Variants in HEPHL1 observed in about 807,000 individuals in gnomAD.
HEPHL1 encodes the protein hephaestin like 1, also known as ferroxidase HEPHL1.
HEPHL1 carries 123 observed loss-of-function variants against 122.0 expected under a neutral mutation model. The observed-to-expected ratio is 1.01, with a 90% CI of 0.87 to 1.17. The LOEUF (loss-of-function observed/expected upper bound fraction) is 1.17, where lower values mean the gene tolerates loss of function less well. HEPHL1 is among the 50% of genes most tolerant of loss of function. The pLI is 0.00. For missense variants in HEPHL1, 1,452 were observed against 1,430.5 expected (o/e 1.01, Z -0.24); for synonymous variants, 527 against 508.9 (o/e 1.04, Z -0.48).
intron 1 of HEPHL1, among the ~76,000 whole-genome samples, chr11:94,028,950 C>CTTTCTT (rs1293042180): frequency 6.6e-6 from 1 of 152,020 alleles, no homozygotes; most frequent in Non-Finnish European, 1.5e-5. Flanking sequence ...ACTACTTTCT[C>CTTTCTT]TTATTTCTAT....
chr11:94,082,513 T>C lies in HEPHL1; in HGVS notation c.1812T>C (p.His604=). 6.2e-7 allele frequency: 1 copy of C among 1,613,490 alleles called. No homozygotes were observed. Among genetic ancestry groups the C allele is most frequent in the Non-Finnish European group, 8.5e-7 (1 of 1,179,552 alleles). ...FDENIQKFIW[H]PFSIDKEDKE... is the part of the protein sequence containing the mutation. ...AAAACATTCAGAAGTTTATCTGGCATCCCTTCAGCATTGACAAAGAAGATA... is the reference window on the plus strand; with the variant it reads ...AAAACATTCAGAAGTTTATCTGGCACCCCTTCAGCATTGACAAAGAAGATA... The change falls in exon 10 of 20, where the codon CAT becomes CAC. Residue 604 remains histidine (H), a synonymous_variant. Transcript: ENST00000315765.
chr11:94,088,867 G>A lies in HEPHL1; in HGVS notation c.2193G>A (p.Met731Ile). ...NRDPSEQRYG[M>I]IRTFYIAAEE... ...ACCCTTCTGAGCAGCGGTACGGGAT[G>A]ATAAGAACTTTTTACATCGCCGCTG... Residue 731 changes from methionine (M) to isoleucine (I), a missense_variant, in exon 12 of 20, where the codon ATG becomes ATA. Transcript: ENST00000315765. The A allele has an allele frequency of 6.2e-7, 1 of 1,613,992 alleles. No individual in the cohort carries two copies. The highest frequency in any genetic ancestry group is 8.5e-7 in the Non-Finnish European group (1 of 1,179,882).
intron 5 of HEPHL1, among the ~76,000 whole-genome samples, chr11:94,068,343 A>C (rs1365895987): frequency 6.6e-6 from 1 of 152,192 alleles, no homozygotes; most frequent in Non-Finnish European, 1.5e-5. Context: ...TCTTGTGAGT[A>C]GTTATAGCAG....
Position 94,064,502 on chromosome 11 carries a change from A to G in HEPHL1, c.800A>G (p.Lys267Arg). 6.2e-7 allele frequency: 1 copy of G among 1,611,352 alleles called. No homozygotes were observed. The highest frequency in any genetic ancestry group is 1.1e-5 in the South Asian group (1 of 90,844). ...GATGCTGTTTTCCAGAGGAGTAACA[A>G]AATGCATGGTGAGTACCTCCCATGT... ...KKDAVFQRSN[K>R]MHALNGYLFG... Residue 267 changes from lysine (K) to arginine (R), a missense_variant, in exon 4 of 20, where the codon AAA (lysine) becomes AGA (arginine). Lys to Arg is a conservative substitution (Grantham distance 26). Coordinates refer to ENST00000315765, the MANE Select transcript of HEPHL1 (RefSeq NM_001098672.2).
At chr11:94,091,809 C>T (rs148566996) in intron 12 of HEPHL1, among the ~76,000 whole-genome samples, 4 of 152,132 alleles carry the variant, frequency 2.6e-5, no homozygotes, top group African/African-American at 4.8e-5. Context: ...GAAGCATGTT[C>T]GTGGCAGAGG....
At position 94,112,736 on chromosome 11, in the gene HEPHL1, TC is replaced by T. The variant is rs1278973005; in HGVS notation, c.*845del. The T allele has an allele frequency of 2.0e-5, 3 of 152,242 alleles. No individual in the cohort carries two copies. The highest frequency in any genetic ancestry group is 2.9e-5 in the Non-Finnish European group (2 of 68,030). 9.4% of individuals were successfully genotyped at this position (152,242 alleles called of 1,614,324 possible). Reference sequence around the variant, plus strand: ...GGCTCTCCCTTTATGAATCAGGGACTCCCTGAGAGTTTAGAGCAAGCTTTCT... The same window carrying T: ...GGCTCTCCCTTTATGAATCAGGGACTCCTGAGAGTTTAGAGCAAGCTTTCT... On this transcript the variant is annotated 3_prime_UTR_variant, in exon 20 of 20. Coordinates refer to ENST00000315765, the MANE Select transcript of HEPHL1 (RefSeq NM_001098672.2).
rs370587999 is a variant in HEPHL1 at position 94,063,640 on chromosome 11, C to T, written c.548C>T (p.Thr183Ile). 8.1e-6 allele frequency: 13 copies of T among 1,613,888 alleles called. No homozygotes were observed. The highest frequency in any genetic ancestry group is 1.1e-5 in the Non-Finnish European group (13 of 1,179,844). Residue 183 changes from threonine (T) to isoleucine (I), a missense_variant, in exon 3 of 20, where the codon ACC becomes ATC. Coordinates refer to ENST00000315765, the MANE Select transcript of HEPHL1 (RefSeq NM_001098672.2). ...ACTCCAGCCGATGCCAACTGCCTGACCTGGGTGTACCATTCGCACATCGAC... is the reference window on the plus strand; with the variant it reads ...ACTCCAGCCGATGCCAACTGCCTGATCTGGGTGTACCATTCGCACATCGAC... ...APTPADANCL[T>I]WVYHSHIDAP...
chr11:94,051,235 T>TAG (rs1945887831), intron 2 of HEPHL1, among the ~76,000 whole-genome samples: 2 of 152,162 alleles, frequency 1.3e-5, no homozygotes, highest in African/African-American at 2.4e-5. Context: ...CAAACTGCTC[T>TAG]CCCTAGTGGT....
At position 94,111,913 on chromosome 11, in the gene HEPHL1, A is replaced by G. The variant is rs1440025209; in HGVS notation, c.*19A>G. ...TCTGTGAACCATCTGGTCTCCCTCA[A>G]CAGGAAAGGGTGATGTCCCACAGCT... On this transcript the variant is annotated 3_prime_UTR_variant, in exon 20 of 20. Transcript: ENST00000315765. The G allele has an allele frequency of 1.4e-5, 21 of 1,492,340 alleles. No homozygotes were observed. Among genetic ancestry groups the G allele is most frequent in the Non-Finnish European group, 1.7e-5 (19 of 1,119,582 alleles). 92.4% of individuals were successfully genotyped at this position (1,492,340 alleles called of 1,614,324 possible). A position where few individuals can be genotyped will look rare whatever the true frequency, so the allele number is the denominator to read the frequency against.
At position 94,106,022 on chromosome 11, in the gene HEPHL1, T is replaced by C; in HGVS notation, c.2937T>C (p.His979=). ...ATGGAAAGATTTTTGGGAATCTCCA[T>C]GGCCTCATAATGAACGAAGATACAA... ...AINGKIFGNL[H]GLIMNEDTMT... is the part of the protein sequence containing the mutation. Residue 979 remains histidine (H), a synonymous_variant, in exon 17 of 20, where the codon CAT becomes CAC. Coordinates refer to ENST00000315765, the MANE Select transcript of HEPHL1 (RefSeq NM_001098672.2). 1 of 1,598,702 alleles carries C rather than the reference T, an allele frequency of 6.3e-7. No individual in the cohort carries two copies.
intron 11 of HEPHL1, among the ~76,000 whole-genome samples, chr11:94,088,002 T>C (rs1297466120): frequency 6.6e-6 from 1 of 152,262 alleles, no homozygotes; most frequent in Non-Finnish European, 1.5e-5. Flanking sequence ...TCCAATATTT[T>C]CATTGAGAGT....
chr11:94,111,457 G>A (rs757653994), intron 18 of HEPHL1, 80 bp from the exon 19 acceptor site: 8 of 1,108,660 alleles, frequency 7.2e-6, no homozygotes, highest in Non-Finnish European at 1.1e-5. Context: ...AGTCCTCGCT[G>A]GTGAAATGAA....
At chr11:94,042,847 C>T (rs2134413301) in intron 1 of HEPHL1, among the ~76,000 whole-genome samples, 1 of 92,196 alleles carries the variant, frequency 1.1e-5, no homozygotes, top group Non-Finnish European at 2.2e-5. Flanking sequence ...GCACATTGTG[C>T]ACATGTACCC....
intron 16 of HEPHL1, among the ~76,000 whole-genome samples, 166 bp downstream of exon 16, chr11:94,104,916 C>T (rs1215651427): frequency 3.0e-4 from 46 of 152,180 alleles, no homozygotes; most frequent in East Asian, 5.8e-4. Flanking sequence ...CCAGCCTAGC[C>T]ACTGATTGGC....
In HEPHL1 at chr11:94,112,501, T is replaced by C. The variant is rs1946458932; in HGVS notation, c.*607T>C. On this transcript the variant is annotated 3_prime_UTR_variant, in exon 20 of 20. Coordinates refer to ENST00000315765, the MANE Select transcript of HEPHL1 (RefSeq NM_001098672.2). The stretch of plus-strand genomic sequence containing the variant: ...ATATAAATAGCCTGTGCAGTGCTTG[T>C]TTTAAAAAGCAAAGTTATACGTTTT... 6.6e-6 allele frequency: 1 copy of C among 152,256 alleles called. No individual in the cohort carries two copies. Among genetic ancestry groups the C allele is most frequent in the African/African-American group, 2.4e-5 (1 of 41,472 alleles). 9.4% of individuals were successfully genotyped at this position (152,256 alleles called of 1,614,324 possible). A position where few individuals can be genotyped will look rare whatever the true frequency, so the allele number is the denominator to read the frequency against.
chr11:94,103,016 T>G lies in HEPHL1; in HGVS notation c.2678T>G (p.Val893Gly). The G allele has an allele frequency of 6.4e-7, 1 of 1,574,614 alleles. No homozygotes were observed. Among genetic ancestry groups the G allele is most frequent in the Non-Finnish European group, 8.7e-7 (1 of 1,144,182 alleles). ...PWVYYSTVNF[V>G]KDTYSGLMGP... is the part of the protein sequence containing the mutation. Reference sequence around the variant, plus strand: ...GTTTACTATTCAACAGTAAACTTTGTGAAGGTAAGGTGGAGAAAGCAACCA... The same window carrying G: ...GTTTACTATTCAACAGTAAACTTTGGGAAGGTAAGGTGGAGAAAGCAACCA... The change falls in exon 15 of 20, where the codon GTG (valine) becomes GGG (glycine). Residue 893 changes from valine to glycine, a missense_variant. Physicochemically the swap from Val to Gly is moderately radical, Grantham distance 109 (BLOSUM62 -3). Coordinates refer to ENST00000315765, the MANE Select transcript of HEPHL1 (RefSeq NM_001098672.2).
rs1423922243 is a variant in HEPHL1 at position 94,111,793 on chromosome 11, C to A, written c.3379C>A (p.Leu1127Ile). The A allele has an allele frequency of 1.3e-6, 2 of 1,582,812 alleles. No homozygotes were observed. Among genetic ancestry groups the A allele is most frequent in the Non-Finnish European group, 8.6e-7 (1 of 1,166,266 alleles). The stretch of plus-strand genomic sequence containing the variant: ...CCTTTTCATCATTGGACTCCTCCTT[C>A]TAATCACCACGGTGATTCTCTCCCT... ...VILFIIGLLL[L>I]ITTVILSLRL... The change falls in exon 20 of 20, where the codon CTA (leucine) becomes ATA (isoleucine). Residue 1127 changes from leucine to isoleucine, a missense_variant. By Grantham distance (5) the Leu-to-Ile change is conservative. Transcript: ENST00000315765.
Position 94,082,441 on chromosome 11 carries a change from C to A in HEPHL1, c.1740C>A (p.Tyr580Ter). 6.2e-7 allele frequency: 1 copy of A among 1,611,284 alleles called. No homozygotes were observed. Residue 580 changes from tyrosine to a stop codon, truncating the protein, a stop_gained, in exon 10 of 20, where the codon TAC (tyrosine) becomes TAA (stop). Coordinates refer to ENST00000315765, the MANE Select transcript of HEPHL1 (RefSeq NM_001098672.2). LOFTEE classifies it high-confidence loss of function. ...GTQKGIDKEFYLLFTVFDENL... is the reference protein window; with the variant it reads ...GTQKGIDKEF The stretch of plus-strand genomic sequence containing the variant: ...AGAAAGGAATAGACAAGGAGTTTTA[C>A]CTACTGTTCACAGTCTTTGATGAGA...
chr11:94,093,780 T>C (rs2134446375), intron 13 of HEPHL1, 140 bp downstream of exon 13: 1 of 956,248 alleles, frequency 1.0e-6, no homozygotes, highest in Non-Finnish European at 1.5e-6. Flanking sequence ...GTGTAATATC[T>C]TCCTGCTCTA....
Sources: gnomAD v4.1 joint callset for allele counts (sites outside exome capture counted in the v4.1 genomes callset) on GRCh38, gnomAD v4.1.1 for gene constraint, MANE v1.5 for transcripts, NCBI Gene and HGNC (gene_info 2026-07-23, HGNC 2026-07-21) for gene names.